Variants in HPCAL1 observed in about 807,000 individuals in gnomAD.
HPCAL1 encodes hippocalcin-like protein 1.
HPCAL1 carries 8 observed loss-of-function variants against 17.1 expected under a neutral mutation model. The ratio of observed to expected loss-of-function variants is 0.47; its 90% CI spans 0.27 to 0.84. The LOEUF is 0.84. HPCAL1 is among the 40% of genes least tolerant of loss of function. HPCAL1 has a pLI of 0.13. For missense variants in HPCAL1, 165 were observed against 271.1 expected, an observed-to-expected ratio of 0.61 and a Z score of 2.75; for synonymous variants, 112 against 111.4, an observed-to-expected ratio of 1.01 and a Z score of -0.03.
In HPCAL1 at chr2:10,384,366, G is replaced by A. The variant is rs1668172600; in HGVS notation, c.-110-12469G>A. Among the ~76,000 whole-genome samples, 1 of 152,150 alleles carries A rather than the reference G, an allele frequency of 6.6e-6. No homozygotes were observed. On this transcript the variant is annotated intron_variant, in intron 1 of 4. Transcript: ENST00000307845. The surrounding 1 kb of genome is among the most constrained non-coding windows in gnomAD (Gnocchi z 4.4). ...CTCCACACATCCCCGTGGGATGTCTGGAGGGAAGGGTTTTGGGCACCCACC... is the reference window on the plus strand; with the variant it reads ...CTCCACACATCCCCGTGGGATGTCTAGAGGGAAGGGTTTTGGGCACCCACC...
At chr2:10,314,442 G>C (rs182472932) in intron 1 of HPCAL1, among the ~76,000 whole-genome samples, 3 of 152,180 alleles carry the variant, frequency 2.0e-5, no homozygotes, top group Non-Finnish European at 4.4e-5. Context: ...GACTCGTGGC[G>C]TAAGGGCGAG....
intron 4 of HPCAL1, chr2:10,424,223 G>A (rs1671261299): frequency 3.1e-6 from 1 of 327,202 alleles, no homozygotes; most frequent in Non-Finnish European, 6.1e-6. Flanking sequence ...GCGGGAGACG[G>A]GATGTGGGGG....
chr2:10,333,541 G>A (rs979903232), intron 1 of HPCAL1, among the ~76,000 whole-genome samples: 3 of 152,190 alleles, frequency 2.0e-5, no homozygotes, highest in African/African-American at 7.2e-5. Flanking sequence ...GGGCAGCTGT[G>A]TTCCCAGGCA....
rs1668876246 is a variant in HPCAL1 at position 10,394,330 on chromosome 2, C to CTGGTACATTCTGCTGCTGGTTCCAT, written c.-110-2502_-110-2478dup. Among the ~76,000 whole-genome samples the CTGGTACATTCTGCTGCTGGTTCCAT allele has an allele frequency of 6.6e-6, 1 of 152,058 alleles. No homozygotes were observed. Among genetic ancestry groups the CTGGTACATTCTGCTGCTGGTTCCAT allele is most frequent in the Non-Finnish European group, 1.5e-5 (1 of 68,014 alleles). Reference sequence around the variant, plus strand: ...AGGAAGGGGATGATGAAATGAGGACCTGGTACATTCTGCTGCTGGTTCCAT... The same window carrying CTGGTACATTCTGCTGCTGGTTCCAT: ...AGGAAGGGGATGATGAAATGAGGACCTGGTACATTCTGCTGCTGGTTCCATTGGTACATTCTGCTGCTGGTTCCAT... On this transcript the variant is annotated intron_variant, in intron 1 of 4. Transcript: ENST00000307845. This position sits in a 1 kb window ranked among gnomAD's most constrained non-coding sequence, Gnocchi z 5.0.
At chr2:10,376,623 G>A (rs561463519) in intron 1 of HPCAL1, among the ~76,000 whole-genome samples, 15 of 152,008 alleles carry the variant, frequency 9.9e-5, no homozygotes, top group Non-Finnish European at 2.2e-4. Flanking sequence ...TTTTAGTAGA[G>A]ATGGGGCTTT....
chr2:10,397,129 G>T (rs1669102482), intron 2 of HPCAL1, among the ~76,000 whole-genome samples: 1 of 152,158 alleles, frequency 6.6e-6, no homozygotes, highest in South Asian at 2.1e-4. Context: ...CAGAGAAACA[G>T]CCCCCCAGGC....
At chr2:10,317,618 A>C (rs13019187) in intron 1 of HPCAL1, among the ~76,000 whole-genome samples, 1 of 151,980 alleles carries the variant, frequency 6.6e-6, no homozygotes, top group South Asian at 2.1e-4. Flanking sequence ...GGGTTTCACC[A>C]GGTTGGCTAG....
chr2:10,353,379 C>T (rs1665942678), intron 1 of HPCAL1, among the ~76,000 whole-genome samples: 1 of 152,152 alleles, frequency 6.6e-6, no homozygotes, highest in South Asian at 2.1e-4. Context: ...AGCAGAGAAG[C>T]CCCCAGTGCC....
At chr2:10,388,861 C>T (rs1475597411) in intron 1 of HPCAL1, among the ~76,000 whole-genome samples, 1 of 152,178 alleles carries the variant, frequency 6.6e-6, no homozygotes, top group Non-Finnish European at 1.5e-5. Flanking sequence ...AATTCCTGTG[C>T]TGAGACCCTC....
intron 1 of HPCAL1, among the ~76,000 whole-genome samples, chr2:10,364,395 C>G (rs1666716102): frequency 6.6e-6 from 1 of 152,138 alleles, no homozygotes; most frequent in African/African-American, 2.4e-5. Flanking sequence ...CTGCCGACAT[C>G]AGGGAAGGGA....
intron 1 of HPCAL1, among the ~76,000 whole-genome samples, chr2:10,303,384 T>C (rs367573551): frequency 6.6e-6 from 1 of 152,170 alleles, no homozygotes; most frequent in African/African-American, 2.4e-5. Context: ...TGGCGTGTAC[T>C]CGTGGGCATC....
chr2:10,376,362 T>C (rs1317662611), intron 1 of HPCAL1, among the ~76,000 whole-genome samples: 1 of 152,202 alleles, frequency 6.6e-6, no homozygotes. Flanking sequence ...TGTCAAAACT[T>C]AGTGACCTGT....
rs539365368 is a variant in HPCAL1, at chr2:10,384,562, G to A, written c.-110-12273G>A. 6.6e-6 allele frequency among the ~76,000 whole-genome samples: 1 copy of A among 152,160 alleles called. No homozygotes were observed. Among genetic ancestry groups the A allele is most frequent in the Non-Finnish European group, 1.5e-5 (1 of 68,018 alleles). On this transcript the variant is annotated intron_variant, in intron 1 of 4. Transcript: ENST00000307845. This position sits in a 1 kb window ranked among gnomAD's most constrained non-coding sequence, Gnocchi z 4.4. ...ATGCTAATCTGCAAATCCCAGAAAA[G>A]TGGAATCTCGGTGGCAGAGTGGATG...
rs1572595482 is a variant in HPCAL1 at position 10,304,279 on chromosome 2, C to T, written c.-111+1102C>T. Among the ~76,000 whole-genome samples the T allele has an allele frequency of 1.3e-5, 2 of 152,298 alleles. No homozygotes were observed. The highest frequency in any genetic ancestry group is 1.9e-4 in the East Asian group (1 of 5,150). On this transcript the variant is annotated intron_variant, in intron 1 of 4. Transcript: ENST00000307845. The surrounding 1 kb of genome is among the most constrained non-coding windows in gnomAD (Gnocchi z 4.1). ...TGAGAACCCTTTGGTTCAACAAGTT[C>T]CTAGTCCGGGAGGATGCAGCTCAGC...
chr2:10,319,570 A>AGGTGG (rs57294658), intron 1 of HPCAL1, among the ~76,000 whole-genome samples: 367 of 31,438 alleles, frequency 0.012, 6 homozygotes, highest in African/African-American at 0.022. Flanking sequence ...GCTGACGGGC[A>AGGTGG]GGTGGGGTGG....
intron 2 of HPCAL1, among the ~76,000 whole-genome samples, chr2:10,416,356 G>T (rs1019458580): frequency 6.6e-5 from 10 of 152,198 alleles, no homozygotes; most frequent in Admixed American, 6.5e-5. Context: ...ACAGCCGGAG[G>T]GGGGCTTTCT....
chr2:10,343,579 G>A lies in HPCAL1; in HGVS notation c.-111+40402G>A, dbSNP rs142720200. On this transcript the variant is annotated intron_variant, in intron 1 of 4. Coordinates refer to ENST00000307845, the MANE Select transcript of HPCAL1 (RefSeq NM_002149.4). The surrounding 1 kb of genome is among the most constrained non-coding windows in gnomAD (Gnocchi z 4.8). ...CTGGAGGATTTTTAGGGTGGGCATG[G>A]CTTTAGGTGGGACCTCCACTATATG... Among the ~76,000 whole-genome samples, 1 of 152,322 alleles carries A rather than the reference G, an allele frequency of 6.6e-6. No homozygotes were observed. The highest frequency in any genetic ancestry group is 1.9e-4 in the East Asian group (1 of 5,182).
At chr2:10,386,237 A>G (rs536527114) in intron 1 of HPCAL1, among the ~76,000 whole-genome samples, 1 of 152,254 alleles carries the variant, frequency 6.6e-6, no homozygotes, top group Admixed American at 6.5e-5. Context: ...TCAAGAGCCC[A>G]CCATGGCTCC....
At chr2:10,368,363 A>G (rs759912996) in intron 1 of HPCAL1, among the ~76,000 whole-genome samples, 1 of 151,660 alleles carries the variant, frequency 6.6e-6, no homozygotes, top group Non-Finnish European at 1.5e-5. Flanking sequence ...GTGTGTGTGC[A>G]TATGTGTGTG....
Sources: allele counts gnomAD v4.1 joint callset (sites outside exome capture counted in the v4.1 genomes callset), GRCh38; gene constraint gnomAD v4.1.1; non-coding constraint Gnocchi (gnomAD v3.1); transcripts MANE v1.5; gene names NCBI Gene and HGNC (gene_info 2026-07-23, HGNC 2026-07-21).